ZNF423: variants seen among roughly 807,000 people sequenced by gnomAD.
The protein encoded by ZNF423 is Ebf-associated zinc finger protein.
Under a neutral mutation model 95.8 loss-of-function variants are expected in ZNF423, and 12 were observed. The ratio of observed to expected loss-of-function variants is 0.13; its 90% CI spans 0.08 to 0.20. ZNF423 has a LOEUF of 0.20. ZNF423 is among the 10% of genes least tolerant of loss of function. The pLI is 1.00. For synonymous variants in ZNF423, 749 were observed against 711.9 expected (o/e 1.05, Z -0.83); for missense variants, 1,316 against 1,737.1 (o/e 0.76, Z 4.31).
intron 3 of ZNF423, among the ~76,000 whole-genome samples, chr16:49,664,646 CGGCCCCTGGGA>C (rs1431474658): frequency 8.6e-6 from 1 of 116,550 alleles, no homozygotes; most frequent in Admixed American, 9.6e-5. Flanking sequence ...GGTGGGGGGA[CGGCCCCTGGGA>C]GGCCCCTGGG....
intron 3 of ZNF423, among the ~76,000 whole-genome samples, chr16:49,705,911 T>C (rs2032334985): frequency 6.6e-6 from 1 of 152,076 alleles, no homozygotes; most frequent in African/African-American, 2.4e-5. Flanking sequence ...CAAGGGAGTG[T>C]CCAAGTGCTC....
chr16:49,839,975 G>T (rs893249454), intron 1 of ZNF423, among the ~76,000 whole-genome samples: 2 of 152,246 alleles, frequency 1.3e-5, no homozygotes, highest in Non-Finnish European at 2.9e-5. Flanking sequence ...TATGCTTGCA[G>T]ATGGCTCCTC....
At chr16:49,685,352 G>C (rs142180947) in intron 3 of ZNF423, among the ~76,000 whole-genome samples, 228 of 152,324 alleles carry the variant, frequency 1.5e-3, no homozygotes, top group African/African-American at 5.1e-3. Context: ...GCTAGGGATA[G>C]AGCAATGGAG....
At chr16:49,839,277 C>T (rs2035157350) in intron 1 of ZNF423, among the ~76,000 whole-genome samples, 1 of 152,100 alleles carries the variant, frequency 6.6e-6, no homozygotes, top group African/African-American at 2.4e-5. Context: ...CACCCAGACA[C>T]TTCCTCCCAC....
At chr16:49,848,873 G>C (rs531891753) in intron 1 of ZNF423, among the ~76,000 whole-genome samples, 1 of 152,274 alleles carries the variant, frequency 6.6e-6, no homozygotes, top group East Asian at 1.9e-4. Flanking sequence ...TATCAGGCAG[G>C]AGGATGCTCC....
At chr16:49,612,150 C>T (rs1434409988) in intron 5 of ZNF423, among the ~76,000 whole-genome samples, 1 of 151,950 alleles carries the variant, frequency 6.6e-6, no homozygotes, top group Non-Finnish European at 1.5e-5. Context: ...ATTAATATTG[C>T]CCTATATTAA....
chr16:49,719,554 G>A (rs2032804880), intron 3 of ZNF423, among the ~76,000 whole-genome samples: 1 of 152,174 alleles, frequency 6.6e-6, no homozygotes, highest in East Asian at 1.9e-4. Context: ...GAAGGGGCCT[G>A]GTGAGAGGTG....
At chr16:49,574,672 A>G (rs1460498309) in intron 5 of ZNF423, among the ~76,000 whole-genome samples, 4 of 151,968 alleles carry the variant, frequency 2.6e-5, no homozygotes, top group African/African-American at 4.8e-5. Flanking sequence ...CTTGAACCCA[A>G]TGACAGGGGC....
rs1213059051 is a variant in ZNF423 at position 49,648,576 on chromosome 16, C to T, written c.302-9702G>A. On this transcript the variant is annotated intron_variant, in intron 3 of 7. Coordinates refer to ENST00000563137, the MANE Select transcript of ZNF423 (RefSeq NM_001379286.1). ...CTGAGGCAGGAGAATCGCTTGAACCCAGAAGGTGGAGGTTGTGGTGAGCCA... is the reference window on the plus strand; with the variant it reads ...CTGAGGCAGGAGAATCGCTTGAACCTAGAAGGTGGAGGTTGTGGTGAGCCA... Among the ~76,000 whole-genome samples, 7 of 151,718 alleles carry T rather than the reference C, an allele frequency of 4.6e-5. No individual in the cohort carries two copies. In the South Asian group the frequency reaches 1.5e-3, roughly 32 times the overall value.
intron 4 of ZNF423, among the ~76,000 whole-genome samples, chr16:49,630,628 G>A (rs1313248623): frequency 1.3e-5 from 2 of 152,090 alleles, no homozygotes; most frequent in Admixed American, 1.3e-4. Flanking sequence ...AGTCTCTAGA[G>A]GCTGCAGCCA....
intron 2 of ZNF423, among the ~76,000 whole-genome samples, chr16:49,750,202 T>C (rs1198198131): frequency 1.3e-5 from 2 of 152,220 alleles, no homozygotes; most frequent in Admixed American, 6.5e-5. Context: ...ATTCCTACTC[T>C]GGGAATTCTC....
chr16:49,698,435 C>T (rs1437855410), intron 3 of ZNF423, among the ~76,000 whole-genome samples: 2 of 152,212 alleles, frequency 1.3e-5, no homozygotes, highest in African/African-American at 4.8e-5. Context: ...CATTATCTTT[C>T]TCCGCAGGTC....
At chr16:49,619,830 T>G (rs1334616015) in intron 5 of ZNF423, among the ~76,000 whole-genome samples, 1 of 152,148 alleles carries the variant, frequency 6.6e-6, no homozygotes, top group Non-Finnish European at 1.5e-5. Context: ...GAACCCCTTT[T>G]TCTTTTCATG....
At chr16:49,836,798 A>G (rs1226409366) in intron 1 of ZNF423, among the ~76,000 whole-genome samples, 1 of 152,086 alleles carries the variant, frequency 6.6e-6, no homozygotes, top group Non-Finnish European at 1.5e-5. Flanking sequence ...GCAGGCTTGG[A>G]ACTCTCCTAC....
chr16:49,634,195 C>T (rs1408962665), intron 4 of ZNF423, among the ~76,000 whole-genome samples: 1 of 145,652 alleles, frequency 6.9e-6, no homozygotes, highest in Non-Finnish European at 1.5e-5. Context: ...CGTGAGCCAC[C>T]ACACCTGGCT....
In ZNF423 at chr16:49,758,517, G is replaced by A. The variant is rs574032521; in HGVS notation, c.101-27546C>T. On this transcript the variant is annotated intron_variant, in intron 2 of 7. Transcript: ENST00000563137. ...AGCTACTTGGAGGGCTAAGTAGGGA[G>A]AATCGCTTGAAGCCAGGACTTCAAG... Among the ~76,000 whole-genome samples, 7 of 152,276 alleles carry A rather than the reference G, an allele frequency of 4.6e-5. No homozygotes were observed. The South Asian group carries it at 1.5e-3, about 32-fold the overall frequency.
intron 1 of ZNF423, among the ~76,000 whole-genome samples, chr16:49,809,128 A>G (rs1158398583): frequency 6.6e-6 from 1 of 152,240 alleles, no homozygotes; most frequent in African/African-American, 2.4e-5. Flanking sequence ...GTGTCCTGCG[A>G]TAATACTTGG....
Position 49,543,804 on chromosome 16 carries a change from C to T in ZNF423, c.3602-18310G>A, listed in dbSNP as rs543523065. Among the ~76,000 whole-genome samples the T allele has an allele frequency of 3.9e-5, 6 of 151,922 alleles. No homozygotes were observed. The East Asian group carries it at 7.7e-4, about 20-fold the overall frequency. The stretch of plus-strand genomic sequence containing the variant: ...CAGAGCGCCAGCTCCAGACGCAAGC[C>T]GGAGTCATATGACCCCGGTCACAGC... On this transcript the variant is annotated intron_variant, in intron 5 of 7. Transcript: ENST00000563137.
chr16:49,515,202 C>T (rs1444685555), intron 7 of ZNF423, among the ~76,000 whole-genome samples: 5 of 152,248 alleles, frequency 3.3e-5, no homozygotes, highest in South Asian at 2.1e-4. Flanking sequence ...GCCTGGCAAA[C>T]GTGGCCATGC....
Sources: gnomAD v4.1 joint callset for allele counts (sites outside exome capture counted in the v4.1 genomes callset) on GRCh38, gnomAD v4.1.1 for gene constraint, MANE v1.5 for transcripts, NCBI Gene and HGNC (gene_info 2026-07-23, HGNC 2026-07-21) for gene names.